Variants in BCAT1 observed in about 807,000 individuals in gnomAD.
BCAT1 encodes branched-chain-amino-acid aminotransferase, cytosolic.
BCAT1 carries 48 observed loss-of-function variants against 52.4 expected under a neutral mutation model. The observed-to-expected ratio is 0.92, with a 90% CI of 0.73 to 1.16. The LOEUF (loss-of-function observed/expected upper bound fraction) is 1.16, where lower values mean the gene tolerates loss of function less well. BCAT1 is among the 50% of genes most tolerant of loss of function. BCAT1 has a pLI of 0.00. For missense variants in BCAT1, 451 were observed against 457.1 expected, an observed-to-expected ratio of 0.99 and a Z score of 0.12; for synonymous variants, 167 against 161.3, an observed-to-expected ratio of 1.04 and a Z score of -0.27.
intron 5 of BCAT1, among the ~76,000 whole-genome samples, chr12:24,865,542 T>C (rs1941981658): frequency 6.6e-6 from 1 of 152,236 alleles, no homozygotes; most frequent in Non-Finnish European, 1.5e-5. Context: ...GTAACAGTTC[T>C]TATATTTGTT....
At chr12:24,910,549 C>T (rs1943306035) in intron 1 of BCAT1, among the ~76,000 whole-genome samples, 1 of 151,970 alleles carries the variant, frequency 6.6e-6, no homozygotes, top group South Asian at 2.1e-4. Flanking sequence ...ATAAATCATG[C>T]CCAAAAATAG....
chr12:24,854,974 C>G (rs1253435899), intron 5 of BCAT1, among the ~76,000 whole-genome samples: 1 of 152,110 alleles, frequency 6.6e-6, no homozygotes, highest in Admixed American at 6.5e-5. Context: ...TAGGGACCTG[C>G]TGAGTGCCCC....
intron 3 of BCAT1, among the ~76,000 whole-genome samples, chr12:24,886,655 A>C (rs1419172444): frequency 6.6e-6 from 1 of 152,074 alleles, no homozygotes; most frequent in Non-Finnish European, 1.5e-5. Flanking sequence ...AAAATTAATA[A>C]TTGTTACTGT....
At chr12:24,934,713 C>T (rs1328086200) in intron 1 of BCAT1, among the ~76,000 whole-genome samples, 2 of 152,090 alleles carry the variant, frequency 1.3e-5, no homozygotes, top group Admixed American at 6.5e-5. Flanking sequence ...CCACCACGCC[C>T]AGCTAATTTT....
At chr12:24,829,782 AAAAGAAAAGG>A (rs771808768) in intron 10 of BCAT1, 31 bp downstream of exon 10, 60 of 1,458,184 alleles carry the variant, frequency 4.1e-5, no homozygotes, top group Non-Finnish European at 5.2e-5. Flanking sequence ...TAAAAAAAAG[AAAAGAAAAGG>A]AAAGAAAAGA....
intron 6 of BCAT1, among the ~76,000 whole-genome samples, chr12:24,847,881 A>G (rs1799657060): frequency 6.6e-6 from 1 of 152,228 alleles, no homozygotes; most frequent in African/African-American, 2.4e-5. Flanking sequence ...TGACTTAATT[A>G]GGTTTACAGA....
chr12:24,938,975 A>G (rs1268241574), intron 1 of BCAT1, among the ~76,000 whole-genome samples: 5 of 152,080 alleles, frequency 3.3e-5, no homozygotes, highest in Non-Finnish European at 7.4e-5. Flanking sequence ...CCCAGGTTCA[A>G]GCAATTATCT....
chr12:24,920,045 T>TATA (rs1469669802), intron 1 of BCAT1, among the ~76,000 whole-genome samples: 1 of 152,106 alleles, frequency 6.6e-6, no homozygotes, highest in African/African-American at 2.4e-5. Context: ...ATGTCTTTAT[T>TATA]AGCAGCATAA....
At chr12:24,896,707 C>T (rs1565488555) in intron 2 of BCAT1, among the ~76,000 whole-genome samples, 1 of 152,034 alleles carries the variant, frequency 6.6e-6, no homozygotes, top group East Asian at 1.9e-4. Context: ...GCAGAGGTTG[C>T]AGTCAGCAGA....
At chr12:24,833,539 A>G (rs1239698523) in intron 8 of BCAT1, among the ~76,000 whole-genome samples, 1 of 152,030 alleles carries the variant, frequency 6.6e-6, no homozygotes, top group Non-Finnish European at 1.5e-5. Context: ...ACAAAACAAA[A>G]AAATCAGTGT....
chr12:24,919,048 C>A (rs1038187465), intron 1 of BCAT1, among the ~76,000 whole-genome samples: 9 of 152,124 alleles, frequency 5.9e-5, no homozygotes, highest in African/African-American at 2.2e-4. Flanking sequence ...TATTAATCTA[C>A]CATGTTTTTG....
At chr12:24,947,808 A>G (rs935378435) in intron 1 of BCAT1, among the ~76,000 whole-genome samples, 4 of 152,242 alleles carry the variant, frequency 2.6e-5, no homozygotes, top group Non-Finnish European at 4.4e-5. Flanking sequence ...GCTATAATCA[A>G]CTAAAGTGTG....
intron 5 of BCAT1, among the ~76,000 whole-genome samples, chr12:24,852,169 C>G (rs1941534550): frequency 6.6e-6 from 1 of 152,158 alleles, no homozygotes; most frequent in East Asian, 1.9e-4. Context: ...TGTATGTTTC[C>G]TGAGGTCTCC....
chr12:24,913,234 T>C (rs1441285550), intron 1 of BCAT1, among the ~76,000 whole-genome samples: 2 of 152,200 alleles, frequency 1.3e-5, no homozygotes, highest in African/African-American at 4.8e-5. Flanking sequence ...CAATTACAGA[T>C]TATCAAGTAG....
At chr12:24,874,836 T>C (rs12319639) in intron 5 of BCAT1, among the ~76,000 whole-genome samples, 25,564 of 152,176 alleles carry the variant, frequency 0.17, 2,208 homozygotes, top group East Asian at 0.22. Context: ...GAATAGAGAC[T>C]GGACACAAGT....
Position 24,842,163 on chromosome 12 carries a change from G to A in BCAT1, c.736C>T (p.Leu246=), listed in dbSNP as rs1754045790. 6.2e-7 allele frequency: 1 copy of A among 1,613,638 alleles called. No homozygotes were observed. The highest frequency in any genetic ancestry group is 1.7e-5 in the Admixed American group (1 of 60,002). ...TGATGGTCCTCTCCATAGAGCCACA[G>A]GACCTGCTGACACCCATTATCTACT... ...EAVDNGCQQV[L]WLYGEDHQIT... The change falls in exon 7 of 11, where the codon CTG becomes TTG. Residue 246 remains leucine, a synonymous_variant. Transcript: ENST00000261192.
At chr12:24,917,851 A>G (rs1943442730) in intron 1 of BCAT1, among the ~76,000 whole-genome samples, 2 of 152,236 alleles carry the variant, frequency 1.3e-5, no homozygotes, top group Admixed American at 6.5e-5. Context: ...GGTAGTAAGC[A>G]CAAATTTGAA....
At position 24,949,039 on chromosome 12, in the gene BCAT1, G is replaced by A; in HGVS notation, c.-107C>T. The A allele has an allele frequency of 2.5e-6, 3 of 1,222,550 alleles. No homozygotes were observed. Among genetic ancestry groups the A allele is most frequent in the Admixed American group, 2.1e-5 (1 of 47,650 alleles). 75.7% of individuals were successfully genotyped at this position (1,222,550 alleles called of 1,614,324 possible). ...TCTGCGGCTGCAGAGCGCGGTCCCG[G>A]CTGCAGCAAGACCTGGGGCAGTGCC... On this transcript the variant is annotated 5_prime_UTR_variant, in exon 1 of 11. Coordinates refer to ENST00000261192, the MANE Select transcript of BCAT1 (RefSeq NM_005504.7).
In BCAT1 at chr12:24,842,221, A is replaced by G. The variant is rs764642865; in HGVS notation, c.678T>C (p.Asn226=). ...ATTGGGCAAAAAGAGATGAGCCGTA[A>G]TTCCTTTAAGAAAGAGAAAATACAC... ...GGTGDCKMGG[N]YGSSLFAQCE... The change falls in exon 7 of 11, where the codon AAT becomes AAC. Residue 226 remains asparagine, a synonymous_variant. Coordinates refer to ENST00000261192, the MANE Select transcript of BCAT1 (RefSeq NM_005504.7). 6.2e-7 allele frequency: 1 copy of G among 1,613,892 alleles called. No homozygotes were observed. The highest frequency in any genetic ancestry group is 1.1e-5 in the South Asian group (1 of 91,082).
Sources: gnomAD v4.1 joint callset for allele counts (sites outside exome capture counted in the v4.1 genomes callset) on GRCh38, gnomAD v4.1.1 for gene constraint, MANE v1.5 for transcripts, NCBI Gene and HGNC (gene_info 2026-07-23, HGNC 2026-07-21) for gene names.